The following GALNT1 variants were observed in gnomAD, a reference collection of about 807,000 sequenced individuals.
The protein encoded by GALNT1 is GalNAc transferase 1.
GALNT1 carries 17 observed loss-of-function variants against 65.7 expected under a neutral mutation model. The ratio of observed to expected loss-of-function variants is 0.26; its 90% CI spans 0.18 to 0.39. GALNT1 has a LOEUF of 0.39. GALNT1 is among the 10% of genes least tolerant of loss of function. The pLI is 1.00. For missense variants in GALNT1, 460 were observed against 672.8 expected, an observed-to-expected ratio of 0.68 and a Z score of 3.50; for synonymous variants, 210 against 219.7, an observed-to-expected ratio of 0.96 and a Z score of 0.39.
chr18:35,679,296 A>T (rs1387483830), intron 4 of GALNT1, among the ~76,000 whole-genome samples: 1 of 152,212 alleles, frequency 6.6e-6, no homozygotes, highest in Non-Finnish European at 1.5e-5. Flanking sequence ...TCCAGAAGAG[A>T]TACTTAACCT....
At chr18:35,657,816 A>C (rs1260489910) in intron 2 of GALNT1, among the ~76,000 whole-genome samples, 3 of 152,194 alleles carry the variant, frequency 2.0e-5, no homozygotes, top group Admixed American at 6.5e-5. Context: ...GTTCTTTAGG[A>C]AGCTTCAGCA....
At chr18:35,677,826 A>G (rs1395394102) in intron 4 of GALNT1, 69 bp downstream of exon 4, 2 of 1,145,966 alleles carry the variant, frequency 1.7e-6, no homozygotes, top group East Asian at 2.6e-5. Flanking sequence ...ACTAGTTGCT[A>G]TAATTTTTAA....
At position 35,692,211 on chromosome 18, in the gene GALNT1, C is replaced by T. The variant is rs1430687191; in HGVS notation, c.1190C>T (p.Ser397Leu). The T allele has an allele frequency of 6.8e-6, 11 of 1,610,432 alleles. No homozygotes were observed. Among genetic ancestry groups the T allele is most frequent in the South Asian group, 1.1e-5 (1 of 90,880 alleles). Residue 397 changes from serine (S) to leucine (L), a missense_variant, in exon 9 of 12, where the codon TCG becomes TTG. By Grantham distance (145) the Ser-to-Leu change is moderately radical. Coordinates refer to ENST00000269195, the MANE Select transcript of GALNT1 (RefSeq NM_020474.4). Reference protein sequence around the residue: ...GVTKVDYGDISSRVGLRHKLQ... With the variant: ...GVTKVDYGDILSRVGLRHKLQ... ...ACAAAGGTAGATTATGGAGATATAT[C>T]GTCAAGAGTTGGTCTAAGACACAAA... is the stretch of plus-strand genomic sequence containing the variant.
At chr18:35,693,067 C>T (rs2047994093) in intron 9 of GALNT1, among the ~76,000 whole-genome samples, 1 of 152,126 alleles carries the variant, frequency 6.6e-6, no homozygotes, top group Non-Finnish European at 1.5e-5. Flanking sequence ...CACAATATGT[C>T]AGGTGGTGGT....
rs937455332 is a variant in GALNT1 at position 35,710,961 on chromosome 18, G to A, written c.*1191G>A. On this transcript the variant is annotated 3_prime_UTR_variant, in exon 12 of 12. Transcript: ENST00000269195. ...TATTGAATTGTAATGTTTATCTGCT[G>A]CTTTTTTTAAATAAAATTTGACTGA... 11 of 152,614 alleles carry A rather than the reference G, an allele frequency of 7.2e-5. No individual in the cohort carries two copies. In the East Asian group the frequency reaches 2.1e-3, roughly 29 times the overall value. 9.5% of individuals were successfully genotyped at this position (152,614 alleles called of 1,614,324 possible).
At chr18:35,603,713 A>G (rs532933202) in intron 1 of GALNT1, among the ~76,000 whole-genome samples, 3 of 152,094 alleles carry the variant, frequency 2.0e-5, no homozygotes, top group Non-Finnish European at 2.9e-5. Flanking sequence ...CTGTGTGGCA[A>G]TCATTGGTGG....
chr18:35,668,693 T>C (rs2047584247), intron 3 of GALNT1, among the ~76,000 whole-genome samples: 1 of 152,174 alleles, frequency 6.6e-6, no homozygotes, highest in East Asian at 1.9e-4. Flanking sequence ...ACTAGATACC[T>C]GCTATACAGT....
chr18:35,686,045 G>A (rs2047862582), intron 5 of GALNT1, among the ~76,000 whole-genome samples: 1 of 152,184 alleles, frequency 6.6e-6, no homozygotes, highest in African/African-American at 2.4e-5. Flanking sequence ...TCTAGCCTGG[G>A]CAACAGGAGT....
intron 1 of GALNT1, among the ~76,000 whole-genome samples, chr18:35,625,219 T>C (rs1236842617): frequency 1.3e-5 from 2 of 152,152 alleles, no homozygotes; most frequent in African/African-American, 4.8e-5. Context: ...GATACATATA[T>C]GGAAGCCACT....
intron 1 of GALNT1, among the ~76,000 whole-genome samples, chr18:35,622,223 A>G (rs1413957575): frequency 6.6e-6 from 1 of 151,844 alleles, no homozygotes; most frequent in Non-Finnish European, 1.5e-5. Flanking sequence ...GATCTTTCTA[A>G]GCAATTTTCT....
chr18:35,646,485 G>A (rs780729924), intron 1 of GALNT1, among the ~76,000 whole-genome samples: 13 of 152,182 alleles, frequency 8.5e-5, no homozygotes, highest in Non-Finnish European at 8.8e-5. Flanking sequence ...TTTCATGCCT[G>A]GCAGCATAAT....
chr18:35,672,588 A>G (rs771539039), intron 3 of GALNT1, among the ~76,000 whole-genome samples: 1 of 152,130 alleles, frequency 6.6e-6, no homozygotes, highest in Non-Finnish European at 1.5e-5. Flanking sequence ...CTGTCTGCCA[A>G]TAACTTCTAC....
chr18:35,662,808 T>C (rs1047419370), intron 2 of GALNT1, among the ~76,000 whole-genome samples: 1 of 152,224 alleles, frequency 6.6e-6, no homozygotes, highest in Non-Finnish European at 1.5e-5. Context: ...CTGTTTTTCT[T>C]GGACATTTAT....
At chr18:35,608,499 T>A (rs568391869) in intron 1 of GALNT1, among the ~76,000 whole-genome samples, 24 of 152,310 alleles carry the variant, frequency 1.6e-4, no homozygotes, top group African/African-American at 5.5e-4. Context: ...AATCTTCTTG[T>A]TTGATTTAAT....
intron 11 of GALNT1, among the ~76,000 whole-genome samples, chr18:35,706,035 C>T (rs527819149): frequency 2.6e-5 from 4 of 152,134 alleles, no homozygotes; most frequent in African/African-American, 9.7e-5. Flanking sequence ...CCATGGTGAC[C>T]CCCAGCTGCA....
At chr18:35,660,133 C>T (rs2047456292) in intron 2 of GALNT1, among the ~76,000 whole-genome samples, 1 of 151,992 alleles carries the variant, frequency 6.6e-6, no homozygotes, top group Admixed American at 6.6e-5. Context: ...TGCATAAGGA[C>T]AGTAAAAATG....
intron 1 of GALNT1, among the ~76,000 whole-genome samples, chr18:35,614,340 A>T (rs1414406989): frequency 6.6e-6 from 1 of 152,052 alleles, no homozygotes; most frequent in African/African-American, 2.4e-5. Flanking sequence ...GTTTAAAGTT[A>T]AAAAAACCAT....
At chr18:35,630,343 A>G (rs1483140676) in intron 1 of GALNT1, among the ~76,000 whole-genome samples, 1 of 152,216 alleles carries the variant, frequency 6.6e-6, no homozygotes, top group East Asian at 1.9e-4. Context: ...CAGAAATTAC[A>G]ACAAACTGTC....
chr18:35,586,850 GT>G (rs2046383657), intron 1 of GALNT1, among the ~76,000 whole-genome samples: 2 of 152,048 alleles, frequency 1.3e-5, no homozygotes. Context: ...GAATAATCTT[GT>G]TTATATCTAC....
Sources: gnomAD v4.1 joint callset for allele counts (sites outside exome capture counted in the v4.1 genomes callset) on GRCh38, gnomAD v4.1.1 for gene constraint, MANE v1.5 for transcripts, NCBI Gene and HGNC (gene_info 2026-07-23, HGNC 2026-07-21) for gene names.